Variants in CSPP1 observed in about 807,000 individuals in gnomAD.
CSPP1 encodes the protein centrosome and spindle pole-associated protein 1.
In CSPP1, 126 loss-of-function variants were observed where a neutral mutation model predicts 164.4. That is an observed-to-expected ratio of 0.77 (90% CI 0.66 to 0.89). CSPP1 has a LOEUF of 0.89. CSPP1 is among the 40% of genes least tolerant of loss of function. CSPP1 has a pLI of 0.00. For missense variants in CSPP1, 1,395 were observed against 1,449.8 expected (o/e 0.96, Z 0.61); for synonymous variants, 472 against 476.7 (o/e 0.99, Z 0.13).
At chr8:67,077,424 C>G (rs934342136) in intron 3 of CSPP1, among the ~76,000 whole-genome samples, 1 of 152,166 alleles carries the variant, frequency 6.6e-6, no homozygotes, top group African/African-American at 2.4e-5. Context: ...CCGCCTCCAC[C>G]TCCCAGGTTC....
chr8:67,092,332 A>T (rs895500189), intron 5 of CSPP1, among the ~76,000 whole-genome samples: 1 of 152,218 alleles, frequency 6.6e-6, no homozygotes, highest in Non-Finnish European at 1.5e-5. Context: ...AAAGTAATAA[A>T]GCACTGTACA....
intron 5 of CSPP1, 45 bp downstream of exon 5, chr8:67,091,928 CATCAA>C (rs761871117): frequency 1.8e-5 from 13 of 723,082 alleles, no homozygotes; most frequent in Middle Eastern, 2.9e-4. Flanking sequence ...TTTTCCGAGG[CATCAA>C]AATCATTAAA....
At chr8:67,093,131 T>C (rs1379494362) in intron 5 of CSPP1, among the ~76,000 whole-genome samples, 1 of 152,230 alleles carries the variant, frequency 6.6e-6, no homozygotes, top group Non-Finnish European at 1.5e-5. Context: ...ACACCTGGTT[T>C]GTCTAGGATT....
intron 18 of CSPP1, among the ~76,000 whole-genome samples, chr8:67,153,633 TTTTAA>T (rs1826122325): frequency 6.6e-6 from 1 of 152,070 alleles, no homozygotes; most frequent in Non-Finnish European, 1.5e-5. Flanking sequence ...ACATAATACA[TTTTAA>T]TATGTTATTA....
intron 8 of CSPP1, among the ~76,000 whole-genome samples, chr8:67,104,065 C>G (rs547883303): frequency 1.0e-3 from 152 of 151,846 alleles, no homozygotes; most frequent in Non-Finnish European, 1.9e-3. Flanking sequence ...ATTCCTGTGT[C>G]GTACATAAGG....
At chr8:67,085,407 C>G (rs746193926) in intron 3 of CSPP1, among the ~76,000 whole-genome samples, 49 of 150,210 alleles carry the variant, frequency 3.3e-4, no homozygotes, top group Non-Finnish European at 6.4e-4. Context: ...TTCTAAGCAA[C>G]ACATGGCCCT....
intron 28 of CSPP1, among the ~76,000 whole-genome samples, chr8:67,183,843 ATTTTTTTTTTTTTT>A (rs918103972): frequency 1.9e-4 from 21 of 108,214 alleles, no homozygotes; most frequent in South Asian, 9.2e-4. Flanking sequence ...AAAATTGGGA[ATTTTTTTTTTTTTT>A]TTTTTTTTTT....
rs1461488025 is a variant in CSPP1 at position 67,105,731 on chromosome 8, A to T, written c.1023-174A>T. Among the ~76,000 whole-genome samples the T allele has an allele frequency of 2.6e-5, 4 of 152,210 alleles. No homozygotes were observed. In the East Asian group the frequency reaches 7.7e-4, roughly 29 times the overall value. On this transcript the variant is annotated intron_variant, in intron 8 of 30. Transcript: ENST00000678616. Reference sequence around the variant, plus strand: ...CCTGAATACATTGGAGTTGCACTGTATAAAGAGATAGAATGCCATGATTTT... The same window carrying T: ...CCTGAATACATTGGAGTTGCACTGTTTAAAGAGATAGAATGCCATGATTTT...
At chr8:67,100,348 C>A (rs1008997181) in intron 7 of CSPP1, among the ~76,000 whole-genome samples, 11 of 152,082 alleles carry the variant, frequency 7.2e-5, no homozygotes, top group Non-Finnish European at 1.3e-4. Flanking sequence ...TCTATATACA[C>A]TGAAGAGACT....
At chr8:67,129,774 T>C (rs1160895717) in intron 15 of CSPP1, among the ~76,000 whole-genome samples, 1 of 152,218 alleles carries the variant, frequency 6.6e-6, no homozygotes, top group Non-Finnish European at 1.5e-5. Flanking sequence ...GTCCCATTTA[T>C]ATAAAATGTC....
At chr8:67,167,211 A>G (rs1311894718) in intron 24 of CSPP1, among the ~76,000 whole-genome samples, 1 of 152,218 alleles carries the variant, frequency 6.6e-6, no homozygotes, top group African/African-American at 2.4e-5. Flanking sequence ...AATCATCATC[A>G]TGGCCCGTTC....
At chr8:67,093,377 C>T (rs1812026600) in intron 5 of CSPP1, among the ~76,000 whole-genome samples, 166 bp from the exon 6 acceptor site, 1 of 152,222 alleles carries the variant, frequency 6.6e-6, no homozygotes, top group African/African-American at 2.4e-5. Context: ...CTTCCGACTT[C>T]TCCCATGCCT....
At chr8:67,086,209 T>G (rs1810367795) in intron 4 of CSPP1, 99 bp downstream of exon 4, 1 of 770,052 alleles carries the variant, frequency 1.3e-6, no homozygotes, top group African/African-American at 1.7e-5. Context: ...TTTTTAGGTT[T>G]TCAGTGGTAC....
intron 9 of CSPP1, 105 bp downstream of exon 9, chr8:67,106,080 G>T: frequency 1.5e-6 from 1 of 645,940 alleles, no homozygotes; most frequent in Non-Finnish European, 2.8e-6. Context: ...ACTAATAGTA[G>T]AAAATATTTG....
At chr8:67,101,683 AC>A (rs748769748) in intron 7 of CSPP1, among the ~76,000 whole-genome samples, 2 of 152,220 alleles carry the variant, frequency 1.3e-5, no homozygotes, top group Non-Finnish European at 2.9e-5. Context: ...TGTTTTCTCC[AC>A]AGATGATATT....
At chr8:67,136,137 T>C (rs1254960543) in intron 16 of CSPP1, among the ~76,000 whole-genome samples, 2 of 152,186 alleles carry the variant, frequency 1.3e-5, no homozygotes, top group African/African-American at 4.8e-5. Context: ...ACAGATATAA[T>C]AATAATTTAA....
At chr8:67,073,625 T>TA (rs750045800) in intron 1 of CSPP1, among the ~76,000 whole-genome samples, 2 of 152,174 alleles carry the variant, frequency 1.3e-5, no homozygotes, top group Non-Finnish European at 2.9e-5. Flanking sequence ...AAATCAGTGT[T>TA]ACAAAAGTTG....
At chr8:67,173,942 C>G (rs969239201) in intron 25 of CSPP1, 2 of 152,112 alleles carry the variant, frequency 1.3e-5, no homozygotes, top group African/African-American at 4.8e-5. Context: ...ATGATTTCAT[C>G]TCTTTGAAGC....
intron 15 of CSPP1, among the ~76,000 whole-genome samples, chr8:67,126,381 TTTG>T (rs1172975113): frequency 2.6e-5 from 4 of 152,170 alleles, no homozygotes; most frequent in Non-Finnish European, 5.9e-5. Flanking sequence ...CTCCTTGTGG[TTTG>T]TTGTTGTTGC....
Sources: gnomAD v4.1 joint callset for allele counts (sites outside exome capture counted in the v4.1 genomes callset) on GRCh38, gnomAD v4.1.1 for gene constraint, MANE v1.5 for transcripts, NCBI Gene and HGNC (gene_info 2026-07-23, HGNC 2026-07-21) for gene names.